MALRD1: variants seen among roughly 807,000 people sequenced by gnomAD.
MALRD1 encodes the protein MAM and LDL receptor class A domain containing 1.
MALRD1 carries 247 observed loss-of-function variants against 242.1 expected under a neutral mutation model. The observed-to-expected ratio is 1.02, with a 90% confidence interval of 0.92 to 1.13. The LOEUF is 1.13. Ranked by LOEUF, MALRD1 falls within the 50% of genes most tolerant of loss-of-function variation. MALRD1 has a pLI of 0.00. For synonymous variants in MALRD1, 995 were observed against 866.6 expected (o/e 1.15, Z -2.60); for missense variants, 2,989 against 2,533.1 (o/e 1.18, Z -3.86).
chr10:19,544,817 A>G lies in MALRD1; in HGVS notation c.5478+13466A>G, dbSNP rs140964989. The stretch of plus-strand genomic sequence containing the variant: ...TGACCTCTCTTCAGTTTTTCAATTC[A>G]CAGTATGTTATCATCAAGTAAAACT... On this transcript the variant is annotated intron_variant, in intron 32 of 39. Coordinates refer to ENST00000454679, the MANE Select transcript of MALRD1 (RefSeq NM_001142308.3). Among the ~76,000 whole-genome samples the G allele has an allele frequency of 4.2e-3, 634 of 152,122 alleles. 5 individuals are homozygous for G. Among genetic ancestry groups the G allele is most frequent in the South Asian group, 0.015 (71 of 4,812 alleles).
intron 38 of MALRD1, among the ~76,000 whole-genome samples, chr10:19,701,056 A>G (rs911243390): frequency 7.2e-5 from 11 of 152,118 alleles, no homozygotes; most frequent in Non-Finnish European, 1.2e-4. Context: ...GGCAGAGTTG[A>G]GTGGATTGCT....
intron 21 of MALRD1, among the ~76,000 whole-genome samples, chr10:19,291,807 C>A (rs1034341026): frequency 6.6e-6 from 1 of 151,328 alleles, no homozygotes; most frequent in African/African-American, 2.4e-5. Flanking sequence ...ATTTGTGGGC[C>A]AGGTGCAGTG....
In MALRD1 at chr10:19,281,963, CAA is replaced by C. The variant is rs149370838; in HGVS notation, c.3257-1034_3257-1033del. Among the ~76,000 whole-genome samples the C allele has an allele frequency of 8.5e-3, 680 of 79,814 alleles. 3 individuals are homozygous for C. The highest frequency in any genetic ancestry group is 0.023 in the East Asian group (58 of 2,566). 52.4% of individuals were successfully genotyped at this position (79,814 alleles called of 152,430 possible). ...GGATGACAAAGTGAGACGATGTCTC[CAA>C]AAAAAAAAAAAAAAAAAAAAATGAA... is the stretch of plus-strand genomic sequence containing the variant. On this transcript the variant is annotated intron_variant, in intron 20 of 39. Coordinates refer to ENST00000454679, the MANE Select transcript of MALRD1 (RefSeq NM_001142308.3).
intron 31 of MALRD1, among the ~76,000 whole-genome samples, chr10:19,529,692 CA>C (rs920703886): frequency 1.3e-5 from 2 of 151,860 alleles, no homozygotes; most frequent in Non-Finnish European, 2.9e-5. Context: ...AAAATAGATG[CA>C]AACACAAGAC....
At chr10:19,531,143 T>C in intron 31 of MALRD1, 51 bp from the exon 32 acceptor site, 1 of 1,434,616 alleles carries the variant, frequency 7.0e-7, no homozygotes, top group Non-Finnish European at 9.5e-7. Context: ...ACATTCCGAC[T>C]CATGCGATAT....
At chr10:19,258,907 A>G (rs1839631725) in intron 19 of MALRD1, among the ~76,000 whole-genome samples, 1 of 152,146 alleles carries the variant, frequency 6.6e-6, no homozygotes, top group Admixed American at 6.6e-5. Context: ...GACAGTTTCT[A>G]TCTAGCTGCT....
intron 9 of MALRD1, among the ~76,000 whole-genome samples, chr10:19,135,241 A>G (rs1833289459): frequency 6.6e-6 from 1 of 151,976 alleles, no homozygotes. Flanking sequence ...TGCAGCTTCC[A>G]CCTCCTGGGC....
rs112395099 is a variant in MALRD1 at position 19,561,714 on chromosome 10, A to AC, written c.5479-5788_5479-5787insC. Among the ~76,000 whole-genome samples, 25 of 149,232 alleles carry AC rather than the reference A, an allele frequency of 1.7e-4. No homozygotes were observed. In the East Asian group the frequency reaches 5.0e-3, roughly 30 times the overall value. On this transcript the variant is annotated intron_variant, in intron 32 of 39. Transcript: ENST00000454679. Reference sequence around the variant, plus strand: ...GTGTCCTTTACAATTGCCTCTCAGCATTTTTTTTTTCTTTTTTCTCCTTCT... The same window carrying AC: ...GTGTCCTTTACAATTGCCTCTCAGCACTTTTTTTTTTCTTTTTTCTCCTTCT...
chr10:19,276,513 C>T (rs1840535182), intron 19 of MALRD1, among the ~76,000 whole-genome samples: 1 of 152,020 alleles, frequency 6.6e-6, no homozygotes, highest in Non-Finnish European at 1.5e-5. Context: ...AGCAAATTCC[C>T]TCAGAAGTGA....
intron 32 of MALRD1, among the ~76,000 whole-genome samples, chr10:19,554,658 C>A (rs532133507): frequency 6.6e-6 from 1 of 152,066 alleles, no homozygotes; most frequent in Admixed American, 6.6e-5. Flanking sequence ...GTTTTCTGTT[C>A]CTGTGTTAGC....
At chr10:19,272,895 T>A (rs1402037962) in intron 19 of MALRD1, among the ~76,000 whole-genome samples, 3 of 152,320 alleles carry the variant, frequency 2.0e-5, no homozygotes, top group East Asian at 3.9e-4. Flanking sequence ...TATTCCATGG[T>A]GTATATGTGC....
intron 36 of MALRD1, among the ~76,000 whole-genome samples, chr10:19,674,522 C>T (rs1174606184): frequency 6.6e-6 from 1 of 152,142 alleles, no homozygotes; most frequent in African/African-American, 2.4e-5. Context: ...TTCCAGAGCC[C>T]AGCAATTCAT....
intron 1 of MALRD1, among the ~76,000 whole-genome samples, chr10:19,058,415 A>G (rs1378745685): frequency 6.6e-6 from 1 of 152,232 alleles, no homozygotes; most frequent in African/African-American, 2.4e-5. Context: ...TAATAATCAG[A>G]AAAGTCAAGG....
At position 19,133,096 on chromosome 10, in the gene MALRD1, G is replaced by A. The variant is rs569237894; in HGVS notation, c.1111-760G>A. ...TGGGATTACAGGCACCCACCACCACGCCTGGCTAATTTTTGTATTTTTAGT... is the reference window on the plus strand; with the variant it reads ...TGGGATTACAGGCACCCACCACCACACCTGGCTAATTTTTGTATTTTTAGT... On this transcript the variant is annotated intron_variant, in intron 8 of 39. Coordinates refer to ENST00000454679, the MANE Select transcript of MALRD1 (RefSeq NM_001142308.3). Among the ~76,000 whole-genome samples, 6 of 152,020 alleles carry A rather than the reference G, an allele frequency of 3.9e-5. No individual in the cohort carries two copies. The East Asian group carries it at 5.8e-4, about 15-fold the overall frequency.
intron 36 of MALRD1, 105 bp downstream of exon 36, chr10:19,616,028 A>C: frequency 1.3e-6 from 1 of 757,918 alleles, no homozygotes; most frequent in Non-Finnish European, 2.1e-6. Context: ...GTGGTTAGTA[A>C]GGTAAAAATA....
At chr10:19,152,579 T>A (rs559411775) in intron 11 of MALRD1, among the ~76,000 whole-genome samples, 1 of 152,204 alleles carries the variant, frequency 6.6e-6, no homozygotes, top group Non-Finnish European at 1.5e-5. Flanking sequence ...ATTAAAAAAA[T>A]TAATTTTGCT....
At chr10:19,435,954 C>T (rs1834334221) in intron 28 of MALRD1, among the ~76,000 whole-genome samples, 1 of 152,082 alleles carries the variant, frequency 6.6e-6, no homozygotes. Context: ...TCATATTTAT[C>T]TTGTAATGTG....
At chr10:19,683,996 T>G (rs1173271167) in intron 36 of MALRD1, among the ~76,000 whole-genome samples, 2 of 152,140 alleles carry the variant, frequency 1.3e-5, no homozygotes, top group African/African-American at 4.8e-5. Flanking sequence ...TTCTCATTGT[T>G]CAGCTCCCAC....
intron 36 of MALRD1, among the ~76,000 whole-genome samples, chr10:19,651,320 G>C (rs1840876866): frequency 6.6e-6 from 1 of 152,058 alleles, no homozygotes; most frequent in African/African-American, 2.4e-5. Flanking sequence ...TCTAACTTCA[G>C]AAAAGTTAAT....
Sources: gnomAD v4.1 joint callset for allele counts (sites outside exome capture counted in the v4.1 genomes callset) on GRCh38, gnomAD v4.1.1 for gene constraint, MANE v1.5 for transcripts, NCBI Gene and HGNC (gene_info 2026-07-23, HGNC 2026-07-21) for gene names.